AUTS2: variants seen among roughly 807,000 people sequenced by gnomAD.
AUTS2 encodes the protein activator of transcription and developmental regulator AUTS2, also known as autism susceptibility gene 2 protein.
A neutral mutation model predicts 112.4 loss-of-function variants in AUTS2; 17 were observed. The observed-to-expected ratio is 0.15, with a 90% CI of 0.10 to 0.23. The LOEUF is 0.23. Ranked by LOEUF, AUTS2 falls within the 10% of genes least tolerant of loss-of-function variation. The probability of loss-of-function intolerance (pLI) is 1.00; values close to 1 mark genes in which losing one functional copy is unlikely to be tolerated. For synonymous variants in AUTS2, 751 were observed against 702.7 expected (o/e 1.07, Z -1.09); for missense variants, 1,510 against 1,701.6 (o/e 0.89, Z 1.98).
chr7:70,535,071 G>C (rs1354867990), intron 5 of AUTS2, among the ~76,000 whole-genome samples: 2 of 149,962 alleles, frequency 1.3e-5, no homozygotes, highest in Non-Finnish European at 1.5e-5. Context: ...TACTGGTTAA[G>C]AGTTGTACAC....
intron 2 of AUTS2, among the ~76,000 whole-genome samples, chr7:69,985,340 C>T (rs1336611297): frequency 6.6e-6 from 1 of 151,958 alleles, no homozygotes; most frequent in Non-Finnish European, 1.5e-5. Flanking sequence ...CACTTGGCTG[C>T]CTTCACGGTG....
intron 4 of AUTS2, among the ~76,000 whole-genome samples, chr7:70,387,117 C>A (rs1446815553): frequency 1.3e-5 from 2 of 152,206 alleles, no homozygotes; most frequent in Non-Finnish European, 2.9e-5. Context: ...GCTGCCTCCT[C>A]AAGCTACCAT....
At chr7:69,623,327 G>A (rs530247780) in intron 1 of AUTS2, among the ~76,000 whole-genome samples, 35 of 149,284 alleles carry the variant, frequency 2.3e-4, no homozygotes, top group Admixed American at 1.9e-3. Flanking sequence ...GGCTCAAGCA[G>A]TTCTCCTGCC....
Position 70,734,242 on chromosome 7 carries a change from A to T in AUTS2, c.743-28628A>T, listed in dbSNP as rs554178554. On this transcript the variant is annotated intron_variant, in intron 6 of 18. Transcript: ENST00000342771. ...ATCACGAGGTCAGGAGATCAAGACC[A>T]TCCTGGCTAACACAGTGAAACCCCG... Among the ~76,000 whole-genome samples, 531 of 152,152 alleles carry T rather than the reference A, an allele frequency of 3.5e-3. 2 individuals are homozygous for T. Among genetic ancestry groups the T allele is most frequent in the Non-Finnish European group, 6.0e-3 (407 of 68,004 alleles).
chr7:70,514,604 A>G (rs369496218), intron 5 of AUTS2, among the ~76,000 whole-genome samples: 2 of 152,332 alleles, frequency 1.3e-5, no homozygotes, highest in African/African-American at 2.4e-5. Context: ...AGCACCTCCC[A>G]CTAGGCCCCG....
chr7:69,859,929 G>A (rs568574109), intron 1 of AUTS2, among the ~76,000 whole-genome samples: 1 of 152,154 alleles, frequency 6.6e-6, no homozygotes, highest in South Asian at 2.1e-4. Context: ...TGTTCCTGGG[G>A]TAGACAGGTA....
chr7:70,204,370 A>G (rs1810461570), intron 4 of AUTS2, among the ~76,000 whole-genome samples: 1 of 152,234 alleles, frequency 6.6e-6, no homozygotes, highest in African/African-American at 2.4e-5. Context: ...TTCCCAAAGA[A>G]GTCATTTTTC....
intron 1 of AUTS2, among the ~76,000 whole-genome samples, chr7:69,724,106 C>G (rs1213192092): frequency 2.0e-5 from 3 of 152,102 alleles, no homozygotes; most frequent in Non-Finnish European, 2.9e-5. Context: ...AAAAAATCAC[C>G]GAACTGGGAG....
chr7:70,374,807 A>G (rs1470971774), intron 4 of AUTS2, among the ~76,000 whole-genome samples: 2 of 152,172 alleles, frequency 1.3e-5, no homozygotes, highest in African/African-American at 2.4e-5. Context: ...CCCTAATATA[A>G]AGCCTGGCTT....
In AUTS2 at chr7:69,703,917, C is replaced by T. The variant is rs530445513; in HGVS notation, c.309+103955C>T. ...TGTTTCTAGAATGTGAAAATAGTAACCTGGCTAGTTAATTTAATTAAGTCC... is the reference window on the plus strand; with the variant it reads ...TGTTTCTAGAATGTGAAAATAGTAATCTGGCTAGTTAATTTAATTAAGTCC... On this transcript the variant is annotated intron_variant, in intron 1 of 18. Coordinates refer to ENST00000342771, the MANE Select transcript of AUTS2 (RefSeq NM_015570.4). Among the ~76,000 whole-genome samples, 99 of 152,212 alleles carry T rather than the reference C, an allele frequency of 6.5e-4. 1 individual carries two copies. The Middle Eastern group carries it at 0.01, about 16-fold the overall frequency.
chr7:69,726,962 A>C (rs1786547363), intron 1 of AUTS2, among the ~76,000 whole-genome samples: 1 of 152,138 alleles, frequency 6.6e-6, no homozygotes, highest in Non-Finnish European at 1.5e-5. Flanking sequence ...TCAGTCTGTT[A>C]CTTGCCTTTT....
intron 6 of AUTS2, among the ~76,000 whole-genome samples, chr7:70,713,770 C>A (rs1369024049): frequency 6.6e-6 from 1 of 152,106 alleles, no homozygotes; most frequent in African/African-American, 2.4e-5. Flanking sequence ...TGGCGGGAGC[C>A]TTGTAGTCCC....
At position 70,790,924 on chromosome 7, in the gene AUTS2, G is replaced by A. The variant is rs1350439577; in HGVS notation, c.3708G>A (p.Arg1236=). The change falls in exon 19 of 19, where the codon AGG becomes AGA. Residue 1236 remains arginine, a synonymous_variant. Transcript: ENST00000342771. The surrounding 1 kb of genome is among the most constrained non-coding windows in gnomAD (Gnocchi z 7.6). ...GGGGCCGCCCGGTCTCTCCCAGAAGGACGACTCCTCTGTCCGCAGAGATAA... is the reference window on the plus strand; with the variant it reads ...GGGGCCGCCCGGTCTCTCCCAGAAGAACGACTCCTCTGTCCGCAGAGATAA... ...TLGGRPVSPR[R]TTPLSAEIRE... 6.4e-7 allele frequency: 1 copy of A among 1,565,016 alleles called. No homozygotes were observed. The highest frequency in any genetic ancestry group is 8.6e-7 in the Non-Finnish European group (1 of 1,156,712).
chr7:70,145,505 A>T (rs1584787775), intron 4 of AUTS2, among the ~76,000 whole-genome samples: 2 of 152,218 alleles, frequency 1.3e-5, no homozygotes, highest in South Asian at 2.1e-4. Context: ...AAAATAGAGG[A>T]AAGGATATGC....
intron 4 of AUTS2, among the ~76,000 whole-genome samples, chr7:70,301,724 TA>T (rs35908435): frequency 0.3 from 45,748 of 151,854 alleles, 7,161 homozygotes; most frequent in African/African-American, 0.38. Context: ...AACATACATT[TA>T]AAAAAAATGC....
chr7:70,121,649 G>A (rs1805687931), intron 3 of AUTS2, among the ~76,000 whole-genome samples: 1 of 152,132 alleles, frequency 6.6e-6, no homozygotes, highest in Admixed American at 6.5e-5. Flanking sequence ...TAGTAGGATG[G>A]TTATGCTTTT....
chr7:70,453,295 G>A (rs764828658), intron 5 of AUTS2, among the ~76,000 whole-genome samples: 4 of 152,198 alleles, frequency 2.6e-5, no homozygotes, highest in African/African-American at 7.2e-5. Flanking sequence ...ACTTCTCAGC[G>A]TCTGTGATCC....
chr7:70,498,577 G>T (rs186829209), intron 5 of AUTS2, among the ~76,000 whole-genome samples: 4 of 152,144 alleles, frequency 2.6e-5, no homozygotes, highest in East Asian at 1.9e-4. Flanking sequence ...GGGACTAGGT[G>T]GGGGGTTGGT....
chr7:69,883,207 A>G (rs1468972752), intron 1 of AUTS2, among the ~76,000 whole-genome samples: 1 of 152,100 alleles, frequency 6.6e-6, no homozygotes, highest in Non-Finnish European at 1.5e-5. Context: ...GTGGGAAGTA[A>G]TCTAAGCAAC....
Sources: gnomAD v4.1 joint callset for allele counts (sites outside exome capture counted in the v4.1 genomes callset) on GRCh38, gnomAD v4.1.1 for gene constraint, Gnocchi (gnomAD v3.1) non-coding constraint, MANE v1.5 for transcripts, NCBI Gene and HGNC (gene_info 2026-07-23, HGNC 2026-07-21) for gene names.